Variants in WLS observed in about 807,000 individuals in gnomAD.
WLS encodes protein wntless homolog.
Under a neutral mutation model 62.8 loss-of-function variants are expected in WLS, and 23 were observed. That is an observed-to-expected ratio of 0.37 (90% CI 0.26 to 0.52). The LOEUF (loss-of-function observed/expected upper bound fraction) is 0.52. Among genes scored for constraint, WLS ranks in the 20% least tolerant of loss-of-function variants. The pLI is 0.92. For synonymous variants in WLS, 246 were observed against 244.1 expected (o/e 1.01, Z -0.07); for missense variants, 615 against 697.3 (o/e 0.88, Z 1.33).
intron 1 of WLS, among the ~76,000 whole-genome samples, chr1:68,213,427 G>A (rs375034891): frequency 6.8e-6 from 1 of 147,952 alleles, no homozygotes; most frequent in African/African-American, 2.5e-5. Context: ...CTCCAGACTG[G>A]GCAACAAGAG....
chr1:68,170,160 C>CTTT (rs571306573), intron 2 of WLS, among the ~76,000 whole-genome samples: 1,229 of 86,668 alleles, frequency 0.014, 36 homozygotes, highest in African/African-American at 0.042. Flanking sequence ...GCTACTATTT[C>CTTT]TTTTTTTTTT....
intron 11 of WLS, among the ~76,000 whole-genome samples, chr1:68,116,121 C>T (rs1646288503): frequency 1.3e-5 from 2 of 152,210 alleles, no homozygotes; most frequent in South Asian, 4.1e-4. Flanking sequence ...CCCATTAATG[C>T]TGAGCTGGAG....
chr1:68,135,916 C>T (rs141936375), intron 11 of WLS, among the ~76,000 whole-genome samples: 23 of 152,286 alleles, frequency 1.5e-4, no homozygotes, highest in African/African-American at 5.3e-4. Context: ...AGAAGGCTGC[C>T]TAGCTCACAA....
At chr1:68,183,630 T>C (rs1203369787) in intron 2 of WLS, 4 of 436,502 alleles carry the variant, frequency 9.2e-6, no homozygotes, top group Non-Finnish European at 1.8e-5. Context: ...GGTGAATTTG[T>C]AGAAGGATGA....
chr1:68,139,260 T>C (rs1285625880), intron 10 of WLS, among the ~76,000 whole-genome samples: 1 of 152,186 alleles, frequency 6.6e-6, no homozygotes, highest in Admixed American at 6.5e-5. Context: ...TCATAACCAT[T>C]ACTAATTTTA....
intron 1 of WLS, among the ~76,000 whole-genome samples, chr1:68,218,401 A>G (rs1301113506): frequency 6.6e-6 from 1 of 152,184 alleles, no homozygotes; most frequent in Non-Finnish European, 1.5e-5. Context: ...GGAATCATCT[A>G]TATTTCTCTG....
chr1:68,143,611 G>C (rs1377115462), intron 10 of WLS, among the ~76,000 whole-genome samples: 1 of 152,180 alleles, frequency 6.6e-6, no homozygotes, highest in Non-Finnish European at 1.5e-5. Context: ...AGAGGAACAT[G>C]CTGTACAGGT....
rs111667875 is a variant in WLS, at chr1:68,165,770, C to T, written c.380-6523G>A. On this transcript the variant is annotated intron_variant, in intron 2 of 11. Coordinates refer to ENST00000262348, the MANE Select transcript of WLS (RefSeq NM_024911.7). ...GTCGTCCATGAGTCCTCAATTCGAA[C>T]CTGGCCATCCTGTTCATTATGCAAG... 8.8e-3 allele frequency among the ~76,000 whole-genome samples: 1,338 copies of T among 152,302 alleles called. 10 individuals are homozygous for T. The highest frequency in any genetic ancestry group is 0.027 in the Middle Eastern group (8 of 294).
intron 11 of WLS, among the ~76,000 whole-genome samples, chr1:68,134,896 G>T (rs982906657): frequency 1.4e-4 from 21 of 152,186 alleles, no homozygotes; most frequent in African/African-American, 4.8e-4. Flanking sequence ...CTAATATATG[G>T]CTCAAATCTC....
At chr1:68,172,216 C>T (rs568497427) in intron 2 of WLS, among the ~76,000 whole-genome samples, 135 of 151,642 alleles carry the variant, frequency 8.9e-4, no homozygotes, top group African/African-American at 2.7e-3. Flanking sequence ...ATGTAGATGA[C>T]GGGTTGATGG....
At chr1:68,231,317 G>A (rs1650407754) in intron 1 of WLS, among the ~76,000 whole-genome samples, 1 of 152,206 alleles carries the variant, frequency 6.6e-6, no homozygotes, top group South Asian at 2.1e-4. Context: ...CTGTCGCCGA[G>A]GAGGCCGGCG....
intron 1 of WLS, among the ~76,000 whole-genome samples, chr1:68,199,364 G>C (rs1648867128): frequency 6.6e-6 from 1 of 152,114 alleles, no homozygotes; most frequent in Admixed American, 6.5e-5. Flanking sequence ...ACAGAGGTTT[G>C]CACAGGATGC....
intron 2 of WLS, chr1:68,162,174 A>G: frequency 2.8e-6 from 4 of 1,446,762 alleles, no homozygotes; most frequent in Non-Finnish European, 3.9e-6. Context: ...ACGGACCCTG[A>G]GCAAAGCTAA....
chr1:68,152,420 T>A (rs1016025607), intron 5 of WLS, among the ~76,000 whole-genome samples: 1 of 151,828 alleles, frequency 6.6e-6, no homozygotes, highest in Non-Finnish European at 1.5e-5. Flanking sequence ...TCTGGAAAGA[T>A]GGAAGGAGAC....
At chr1:68,168,080 C>T (rs889252557) in intron 2 of WLS, among the ~76,000 whole-genome samples, 2 of 152,050 alleles carry the variant, frequency 1.3e-5, no homozygotes, top group Non-Finnish European at 2.9e-5. Flanking sequence ...GAGAGGAGGG[C>T]AAGTACCTTC....
intron 2 of WLS, among the ~76,000 whole-genome samples, chr1:68,174,559 GA>G (rs1647203392): frequency 6.6e-6 from 1 of 152,134 alleles, no homozygotes; most frequent in Non-Finnish European, 1.5e-5. Context: ...GGAAAACCAT[GA>G]CCCTTGGTGG....
At chr1:68,148,460 G>A (rs917731772) in intron 7 of WLS, 103 bp downstream of exon 7, 10 of 1,281,280 alleles carry the variant, frequency 7.8e-6, no homozygotes, top group Non-Finnish European at 1.1e-5. Flanking sequence ...CCAAACCAAA[G>A]GTTCCCGACC....
chr1:68,177,168 T>G (rs1647294005), intron 2 of WLS, among the ~76,000 whole-genome samples: 1 of 152,270 alleles, frequency 6.6e-6, no homozygotes, highest in Non-Finnish European at 1.5e-5. Flanking sequence ...TCTTCTATTT[T>G]AGGACTTTAT....
intron 2 of WLS, among the ~76,000 whole-genome samples, chr1:68,185,827 G>T (rs1267078962): frequency 6.6e-6 from 1 of 152,180 alleles, no homozygotes; most frequent in Non-Finnish European, 1.5e-5. Context: ...CCAGAACCCA[G>T]TCCTTTTGAG....
Sources: allele counts gnomAD v4.1 joint callset (sites outside exome capture counted in the v4.1 genomes callset), GRCh38; gene constraint gnomAD v4.1.1; transcripts MANE v1.5; gene names NCBI Gene and HGNC (gene_info 2026-07-23, HGNC 2026-07-21).